Variants in RBFOX1 observed in about 807,000 individuals in gnomAD.
RBFOX1 encodes RNA binding fox-1 homolog 1.
A neutral mutation model predicts 57.7 loss-of-function variants in RBFOX1; 8 were observed. The ratio of observed to expected loss-of-function variants is 0.14; its 90% CI spans 0.08 to 0.25. The LOEUF is 0.25. Among genes scored for constraint, RBFOX1 ranks in the 10% least tolerant of loss-of-function variants. RBFOX1 has a pLI of 1.00. For missense variants in RBFOX1, 611 were observed against 548.5 expected, an observed-to-expected ratio of 1.11 and a Z score of -1.14; for synonymous variants, 326 against 222.4, an observed-to-expected ratio of 1.47 and a Z score of -4.15.
chr16:6,526,857 A>AAAAAAAAAAAAAACAAC (rs1567560941), intron 2 of RBFOX1, among the ~76,000 whole-genome samples: 1 of 130,350 alleles, frequency 7.7e-6, no homozygotes, highest in African/African-American at 3.6e-5. Context: ...AAAAAAAAAA[A>AAAAAAAAAAAAAACAAC]AACAACCAGA....
chr16:6,602,116 T>G (rs542365058), intron 2 of RBFOX1, among the ~76,000 whole-genome samples: 18 of 152,314 alleles, frequency 1.2e-4, no homozygotes, highest in Middle Eastern at 3.4e-3. Flanking sequence ...TTTGTCTGTC[T>G]TCTTTGGAGA....
intron 3 of RBFOX1, chr16:6,704,021 T>C (rs2062285124): frequency 6.6e-6 from 1 of 152,410 alleles, no homozygotes; most frequent in African/African-American, 2.4e-5. Context: ...GACTTCTACT[T>C]CCTTGCTCTC....
intron 3 of RBFOX1, among the ~76,000 whole-genome samples, chr16:5,646,798 C>G (rs1177653090): frequency 8.6e-5 from 13 of 151,878 alleles, no homozygotes. Context: ...CCACGCTTGG[C>G]TAATTTTTAT....
At chr16:7,577,143 C>T (rs1352899898) in intron 5 of RBFOX1, among the ~76,000 whole-genome samples, 1 of 152,194 alleles carries the variant, frequency 6.6e-6, no homozygotes, top group African/African-American at 2.4e-5. Flanking sequence ...TATTCGTGTA[C>T]TAATAATTCA....
chr16:5,635,025 A>G (rs2048636567), intron 3 of RBFOX1, among the ~76,000 whole-genome samples: 1 of 152,188 alleles, frequency 6.6e-6, no homozygotes, highest in African/African-American at 2.4e-5. Flanking sequence ...AGGGTCAGGC[A>G]GTCTCAGAGT....
chr16:5,339,470 G>GGTTTTTTTTTTT (rs1567354925), intron 1 of RBFOX1, among the ~76,000 whole-genome samples: 15 of 40,888 alleles, frequency 3.7e-4, no homozygotes, highest in Non-Finnish European at 5.0e-4. Flanking sequence ...CTTTTTCCGT[G>GGTTTTTTTTTTT]TTTTTTTTTT....
intron 2 of RBFOX1, among the ~76,000 whole-genome samples, chr16:5,507,837 C>CGCAAGGAGGGTCTCTTCCTAGA (rs1462453401): frequency 1.3e-5 from 2 of 152,186 alleles, no homozygotes; most frequent in Non-Finnish European, 2.9e-5. Flanking sequence ...GCTGGGAAGA[C>CGCAAGGAGGGTCTCTTCCTAGA]GCAAGGAGGG....
chr16:7,016,149 C>T (rs1355792189), intron 3 of RBFOX1, among the ~76,000 whole-genome samples: 3 of 152,086 alleles, frequency 2.0e-5, no homozygotes, highest in African/African-American at 4.8e-5. Context: ...TGAGACACCA[C>T]CAGACATGAC....
intron 4 of RBFOX1, among the ~76,000 whole-genome samples, chr16:6,011,282 A>G (rs559673180): frequency 2.0e-5 from 3 of 152,266 alleles, no homozygotes; most frequent in African/African-American, 7.2e-5. Flanking sequence ...CTCATTTTTA[A>G]CCTTCATGGT....
At chr16:5,762,774 G>T (rs1247018782) in intron 3 of RBFOX1, among the ~76,000 whole-genome samples, 2 of 152,150 alleles carry the variant, frequency 1.3e-5, no homozygotes, top group African/African-American at 4.8e-5. Flanking sequence ...AACACGTTTG[G>T]ATAATTCTGT....
At chr16:5,545,321 T>C (rs565084713) in intron 2 of RBFOX1, among the ~76,000 whole-genome samples, 6 of 152,256 alleles carry the variant, frequency 3.9e-5, no homozygotes, top group Non-Finnish European at 7.3e-5. Flanking sequence ...ATCAGTTCTA[T>C]ACAAACTATT....
intron 1 of RBFOX1, among the ~76,000 whole-genome samples, chr16:6,068,532 TC>T (rs1157148359): frequency 6.6e-6 from 1 of 152,028 alleles, no homozygotes; most frequent in Non-Finnish European, 1.5e-5. Context: ...GTGAAGATAC[TC>T]CCCAGGTATC....
chr16:7,316,977 CACACACACAA>C (rs1159384511), intron 4 of RBFOX1, among the ~76,000 whole-genome samples: 1 of 151,320 alleles, frequency 6.6e-6, no homozygotes, highest in Non-Finnish European at 1.5e-5. Context: ...CACACACACA[CACACACACAA>C]ACACACACAC....
chr16:5,906,482 C>T (rs78934044), intron 4 of RBFOX1, among the ~76,000 whole-genome samples: 71 of 152,300 alleles, frequency 4.7e-4, no homozygotes, highest in African/African-American at 1.5e-3. Context: ...AACCTGCCAA[C>T]GCCTTGATCT....
At chr16:7,211,070 T>G (rs567991645) in intron 4 of RBFOX1, among the ~76,000 whole-genome samples, 21 of 135,728 alleles carry the variant, frequency 1.5e-4, no homozygotes, top group Admixed American at 6.6e-4. Flanking sequence ...GTTGTATACC[T>G]TAGATACATA....
intron 3 of RBFOX1, among the ~76,000 whole-genome samples, chr16:6,686,143 A>G (rs139083978): frequency 6.6e-6 from 1 of 152,348 alleles, no homozygotes; most frequent in Non-Finnish European, 1.5e-5. Context: ...TCTTCTACAT[A>G]TTAAGCAGAG....
At chr16:5,445,750 T>A (rs988687750) in intron 1 of RBFOX1, among the ~76,000 whole-genome samples, 1 of 152,218 alleles carries the variant, frequency 6.6e-6, no homozygotes. Flanking sequence ...ACTCAGCTAA[T>A]TTGGATCATT....
chr16:7,174,425 T>C (rs1601853605), intron 4 of RBFOX1, among the ~76,000 whole-genome samples: 1 of 152,160 alleles, frequency 6.6e-6, no homozygotes, highest in Non-Finnish European at 1.5e-5. Flanking sequence ...TCACCTTTCT[T>C]GGGTAGATAT....
chr16:6,749,645 C>T (rs1184863116), intron 3 of RBFOX1, among the ~76,000 whole-genome samples: 2 of 152,136 alleles, frequency 1.3e-5, no homozygotes, highest in Non-Finnish European at 2.9e-5. Context: ...TGGAGTGTCT[C>T]TCCTAATCAG....
Sources: gnomAD v4.1 joint callset for allele counts (sites outside exome capture counted in the v4.1 genomes callset) on GRCh38, gnomAD v4.1.1 for gene constraint, MANE v1.5 for transcripts, NCBI Gene and HGNC (gene_info 2026-07-23, HGNC 2026-07-21) for gene names.